DNAH11: variants seen among roughly 807,000 people sequenced by gnomAD.
DNAH11 encodes dynein axonemal heavy chain 11.
A neutral mutation model predicts 526.0 loss-of-function variants in DNAH11; 442 were observed. That is an observed-to-expected ratio of 0.84 (90% CI 0.78 to 0.91). The LOEUF (loss-of-function observed/expected upper bound fraction) is 0.91, where lower values mean the gene tolerates loss of function less well. DNAH11 is among the 40% of genes least tolerant of loss of function. The pLI, the probability that DNAH11 is intolerant of heterozygous loss-of-function variation, is 0.00. For synonymous variants in DNAH11, 2,461 were observed against 1,935.9 expected (o/e 1.27, Z -7.12); for missense variants, 6,989 against 5,448.7 (o/e 1.28, Z -8.90).
chr7:21,681,407 A>G, intron 30 of DNAH11, 139 bp from the exon 31 acceptor site: 1 of 835,324 alleles, frequency 1.2e-6, no homozygotes, highest in South Asian at 1.8e-5. Flanking sequence ...AGCCTGGGTG[A>G]CAGAGTGAGA....
At chr7:21,867,039 T>C (rs148953549) in intron 71 of DNAH11, among the ~76,000 whole-genome samples, 126 of 152,348 alleles carry the variant, frequency 8.3e-4, no homozygotes, top group Middle Eastern at 3.4e-3. Flanking sequence ...TCTGAAGATT[T>C]TGCATGTCAA....
Position 21,543,363 on chromosome 7 carries a change from G to A in DNAH11, c.118G>A (p.Glu40Lys). ...VGAVELEEEE[E>K]NEEEAAARRA... is the part of the protein sequence containing the mutation. ...CGCTGTGGAGCTCGAGGAGGAGGAG[G>A]AGAACGAGGAGGAGGCGGCGGCCAG... is the stretch of plus-strand genomic sequence containing the variant. Residue 40 changes from glutamate to lysine, a missense_variant, in exon 1 of 82, where the codon GAG becomes AAG. Physicochemically the swap from Glu to Lys is moderately conservative, Grantham distance 56 (BLOSUM62 1). Transcript: ENST00000409508. 3 of 1,551,556 alleles carry A rather than the reference G, an allele frequency of 1.9e-6. No homozygotes were observed. Among genetic ancestry groups the A allele is most frequent in the Middle Eastern group, 3.4e-4 (2 of 5,958 alleles).
chr7:21,702,766 TC>T lies in DNAH11; in HGVS notation c.6238del (p.Leu2080Ter). ...AGTCTGTCTTGGTTGTGGCTGGATC[TC>T]TGAAACGAGGAGATAAAAATAGACC... ...IKSVLVVAGS[L>X]KRGDKNRPED... On this transcript the variant is annotated frameshift_variant, in exon 37 of 82. Transcript: ENST00000409508. LOFTEE classifies it high-confidence loss of function. 1 of 1,613,574 alleles carries T rather than the reference TC, an allele frequency of 6.2e-7. No homozygotes were observed. The highest frequency in any genetic ancestry group is 2.2e-5 in the East Asian group (1 of 44,858).
At chr7:21,853,200 T>G (rs10225576) in intron 67 of DNAH11, among the ~76,000 whole-genome samples, 4 of 152,036 alleles carry the variant, frequency 2.6e-5, no homozygotes, top group Admixed American at 6.6e-5. Flanking sequence ...ATATGCCTTA[T>G]GTGTGATGTG....
Position 21,589,309 on chromosome 7 carries a change from G to A in DNAH11, c.2075G>A (p.Ser692Asn), listed in dbSNP as rs528619219. The stretch of plus-strand genomic sequence containing the variant: ...AGTCGTATCTATAATGAATGGAAAA[G>A]TAATGTGGATGAAATCTGTGAATTC... ...FESRIYNEWK[S>N]NVDEICEFNL... Residue 692 changes from serine (S) to asparagine (N), a missense_variant, in exon 12 of 82, where the codon AGT becomes AAT. Physicochemically the swap from Ser to Asn is conservative, Grantham distance 46. Coordinates refer to ENST00000409508, the MANE Select transcript of DNAH11 (RefSeq NM_001277115.2). 9.9e-6 allele frequency: 16 copies of A among 1,611,122 alleles called. No homozygotes were observed. In the African/African-American group the frequency reaches 2.0e-4, roughly 20 times the overall value.
At position 21,842,701 on chromosome 7, in the gene DNAH11, C is replaced by T. The variant is rs781316164; in HGVS notation, c.10849C>T (p.Leu3617=). 6 of 1,613,538 alleles carry T rather than the reference C, an allele frequency of 3.7e-6. No individual in the cohort carries two copies. Among genetic ancestry groups the T allele is most frequent in the South Asian group, 2.2e-5 (2 of 90,970 alleles). ...AGAAGATGGTCTAGAAGCCCAGCTG[C>T]TGGCAGAGGTTGTCAGTATTGAAAG... ...VTEDGLEAQL[L]AEVVSIERPD... is the part of the protein sequence containing the mutation. The change falls in exon 66 of 82, where the codon CTG becomes TTG. Residue 3617 remains leucine (L), a synonymous_variant. Coordinates refer to ENST00000409508, the MANE Select transcript of DNAH11 (RefSeq NM_001277115.2).
intron 35 of DNAH11, among the ~76,000 whole-genome samples, chr7:21,694,846 T>A (rs906804069): frequency 4.6e-5 from 7 of 152,196 alleles, no homozygotes; most frequent in African/African-American, 1.7e-4. Context: ...TTTCTCCACG[T>A]TCTCGCCAGC....
intron 57 of DNAH11, among the ~76,000 whole-genome samples, chr7:21,780,732 A>C (rs934606275): frequency 6.6e-6 from 1 of 152,248 alleles, no homozygotes; most frequent in African/African-American, 2.4e-5. Context: ...TGTTTAATCC[A>C]TACCAAGACA....
At chr7:21,806,199 C>T (rs183084662) in intron 62 of DNAH11, among the ~76,000 whole-genome samples, 15 of 152,264 alleles carry the variant, frequency 9.9e-5, no homozygotes, top group Admixed American at 9.1e-4. Flanking sequence ...TTGACGATTT[C>T]GATAGCCAAT....
rs200628085 is a variant in DNAH11 at position 21,744,582 on chromosome 7, G to A, written c.8299G>A (p.Ala2767Thr). The change falls in exon 50 of 82, where the codon GCT (alanine) becomes ACT (threonine). Residue 2767 changes from alanine to threonine, a missense_variant. Transcript: ENST00000409508. ...DLFQRRMLETAYKYFEGIDSH... is the reference protein window; with the variant it reads ...DLFQRRMLETTYKYFEGIDSH... ...GTTTCAGAGAAGAATGCTGGAAACT[G>A]CTTATAAATATTTTGAAGTAAGCGT... 86 of 1,612,964 alleles carry A rather than the reference G, an allele frequency of 5.3e-5. No homozygotes were observed. Among genetic ancestry groups the A allele is most frequent in the Admixed American group, 1.8e-4 (11 of 59,822 alleles).
chr7:21,635,788 C>G, intron 25 of DNAH11, 83 bp from the exon 26 acceptor site: 1 of 1,133,686 alleles, frequency 8.8e-7, no homozygotes, highest in Non-Finnish European at 1.2e-6. Context: ...CAGCAATAAA[C>G]AGAGTAGATA....
In DNAH11 at chr7:21,543,465, G is replaced by A. The variant is rs753741123; in HGVS notation, c.220G>A (p.Glu74Lys). 1.8e-5 allele frequency: 28 copies of A among 1,583,362 alleles called. No individual in the cohort carries two copies. In the Middle Eastern group the frequency reaches 6.6e-4, roughly 38 times the overall value. ...GRLAMMLGFT[E>K]EKWSQYLESE... ...CCTGGCGATGATGCTGGGGTTCACG[G>A]AGGAGAAATGGAGCCAGTATTTGGA... Residue 74 changes from glutamate to lysine, a missense_variant, in exon 1 of 82, where the codon GAG becomes AAG. Glu to Lys is a moderately conservative substitution (Grantham distance 56). Coordinates refer to ENST00000409508, the MANE Select transcript of DNAH11 (RefSeq NM_001277115.2).
At position 21,702,776 on chromosome 7, in the gene DNAH11, G is replaced by A. The variant is rs1225395855; in HGVS notation, c.6247G>A (p.Gly2083Arg). The A allele has an allele frequency of 2.4e-5, 39 of 1,613,248 alleles. No individual in the cohort carries two copies. Among genetic ancestry groups the A allele is most frequent in the Non-Finnish European group, 3.1e-5 (36 of 1,179,670 alleles). The stretch of plus-strand genomic sequence containing the variant: ...GGTTGTGGCTGGATCTCTGAAACGA[G>A]GAGATAAAAATAGACCCGAAGATCA... ...VLVVAGSLKR[G>R]DKNRPEDQVL... Residue 2083 changes from glycine to arginine, a missense_variant, in exon 37 of 82, where the codon GGA becomes AGA. Transcript: ENST00000409508.
intron 66 of DNAH11, among the ~76,000 whole-genome samples, chr7:21,849,643 T>C (rs1481799328): frequency 1.3e-5 from 2 of 152,222 alleles, no homozygotes; most frequent in Non-Finnish European, 2.9e-5. Flanking sequence ...TACTCAACTC[T>C]CCTTTTTGCA....
chr7:21,838,402 T>C lies in DNAH11; in HGVS notation c.10692-4142T>C, dbSNP rs566380876. 4.6e-5 allele frequency among the ~76,000 whole-genome samples: 7 copies of C among 152,344 alleles called. 1 individual carries two copies. In the East Asian group the frequency reaches 5.8e-4, roughly 13 times the overall value. On this transcript the variant is annotated intron_variant, in intron 65 of 81. Transcript: ENST00000409508. Reference sequence around the variant, plus strand: ...TTATCAAGATATAAGTCACATATTATATAATTCACCCACTCAAAGTGTGTA... The same window carrying C: ...TTATCAAGATATAAGTCACATATTACATAATTCACCCACTCAAAGTGTGTA...
chr7:21,818,783 ATATACT>A (rs1789926609), intron 65 of DNAH11, among the ~76,000 whole-genome samples: 1 of 152,178 alleles, frequency 6.6e-6, no homozygotes, highest in South Asian at 2.1e-4. Context: ...GTTTTTTCTA[ATATACT>A]TAAAATGTAA....
Position 21,588,155 on chromosome 7 carries a change from C to T in DNAH11, c.1802C>T (p.Thr601Ile), listed in dbSNP as rs1784538979. 5 of 1,613,340 alleles carry T rather than the reference C, an allele frequency of 3.1e-6. No homozygotes were observed. Among genetic ancestry groups the T allele is most frequent in the South Asian group, 1.1e-5 (1 of 91,018 alleles). ...HYSTLVHMFN[T>I]ELDVCKQLYN... ...AGCACACTAGTGCATATGTTTAATA[C>T]AGAGCTGGATGTGTGTAAGCAACTG... The change falls in exon 10 of 82, where the codon ACA becomes ATA. Residue 601 changes from threonine (T) to isoleucine (I), a missense_variant. Thr to Ile is a moderately conservative substitution (Grantham distance 89, BLOSUM62 -1). Transcript: ENST00000409508.
intron 14 of DNAH11, among the ~76,000 whole-genome samples, chr7:21,599,325 A>G (rs1411742221): frequency 6.6e-6 from 1 of 152,260 alleles, no homozygotes. Context: ...AGAATGGCAT[A>G]GAGTACATAG....
At position 21,842,613 on chromosome 7, in the gene DNAH11, G is replaced by A. The variant is rs1467510424; in HGVS notation, c.10761G>A (p.Leu3587=). Residue 3587 remains leucine, a synonymous_variant, in exon 66 of 82, where the codon TTG becomes TTA. Transcript: ENST00000409508. ...KNFRLILHTK[L]ANPHYKPELQ... is the part of the protein sequence containing the mutation. ...TTCGCCTTATCCTTCACACAAAATT[G>A]GCAAATCCTCACTATAAGCCGGAAT... 1.2e-6 allele frequency: 2 copies of A among 1,613,776 alleles called. No homozygotes were observed. Among genetic ancestry groups the A allele is most frequent in the African/African-American group, 2.7e-5 (2 of 74,888 alleles).
Sources: allele counts gnomAD v4.1 joint callset (sites outside exome capture counted in the v4.1 genomes callset), GRCh38; gene constraint gnomAD v4.1.1; transcripts MANE v1.5; gene names NCBI Gene and HGNC (gene_info 2026-07-23, HGNC 2026-07-21).